Variants in IFI44 observed in about 807,000 individuals in gnomAD.
IFI44 encodes the protein interferon-induced protein 44.
A neutral mutation model predicts 45.0 loss-of-function variants in IFI44; 42 were observed. The observed-to-expected ratio is 0.93, with a 90% CI of 0.73 to 1.21. IFI44 has a LOEUF of 1.21. IFI44 is among the 50% of genes most tolerant of loss of function. The probability of loss-of-function intolerance (pLI) is 0.00; values close to 1 mark genes in which losing one functional copy is unlikely to be tolerated. For missense variants in IFI44, 623 were observed against 525.8 expected (o/e 1.18, Z -1.81); for synonymous variants, 221 against 188.6 (o/e 1.17, Z -1.41).
chr1:78,663,557 C>G, intron 8 of IFI44: 1 of 985,308 alleles, frequency 1.0e-6, no homozygotes. Context: ...CCAATTCTCT[C>G]TTACTCAAAT....
chr1:78,658,417 G>A (rs962714988), intron 5 of IFI44, among the ~76,000 whole-genome samples: 1 of 152,116 alleles, frequency 6.6e-6, no homozygotes, highest in Non-Finnish European at 1.5e-5. Context: ...GTTGTATCAT[G>A]TATCCTTGGA....
chr1:78,650,386 A>G lies in IFI44; in HGVS notation c.191A>G (p.Tyr64Cys), dbSNP rs756686793. The change falls in exon 2 of 9, where the codon TAT (tyrosine) becomes TGT (cysteine). Residue 64 changes from tyrosine to cysteine, a missense_variant. Transcript: ENST00000370747. ...IYSEDHIIGA[Y>C]AEESYQEGKY... ...AGTGAAGATCATATTATTGGAGCAT[A>G]TGCAGAAGAGAGTTACCAGGAAGGA... 1.4e-5 allele frequency: 23 copies of G among 1,614,006 alleles called. No homozygotes were observed. Among genetic ancestry groups the G allele is most frequent in the Non-Finnish European group, 3.4e-6 (4 of 1,179,976 alleles).
rs1647167827 is a variant in IFI44 at position 78,654,159 on chromosome 1, A to G, written c.458-84A>G. ...AAAGGCTATTTTTGTATTTGTCCCT[A>G]GTGAATTCACTGATATTCATTCATT... On this transcript the variant is annotated intron_variant, in intron 2 of 8. Transcript: ENST00000370747. 20 of 800,302 alleles carry G rather than the reference A, an allele frequency of 2.5e-5. No individual in the cohort carries two copies. In the East Asian group the frequency reaches 4.2e-4, roughly 17 times the overall value. The allele number at this position is 800,302 out of a possible 1,614,324, so 49.6% of individuals were successfully genotyped here.
At chr1:78,662,568 GA>G (rs2100479856) in intron 7 of IFI44, 135 bp from the exon 8 acceptor site, 1 of 655,838 alleles carries the variant, frequency 1.5e-6, no homozygotes, top group Non-Finnish European at 2.6e-6. Context: ...AGTACTTTGT[GA>G]GACCAGATCT....
At position 78,655,518 on chromosome 1, in the gene IFI44, T is replaced by C. The variant is rs761339498; in HGVS notation, c.840+7T>C. ...CATTCGTGATAGATACCAGGTAATA[T>C]TTGACTAATGAGAAATTATAACTGA... is the stretch of plus-strand genomic sequence containing the variant. On this transcript the variant is annotated splice_region_variant and intron_variant, in intron 5 of 8. Transcript: ENST00000370747. 10 of 1,595,552 alleles carry C rather than the reference T, an allele frequency of 6.3e-6. No homozygotes were observed. The East Asian group carries it at 2.0e-4, about 32-fold the overall frequency.
intron 3 of IFI44, 62 bp from the exon 4 acceptor site, chr1:78,654,952 T>C: frequency 8.1e-7 from 1 of 1,231,976 alleles, no homozygotes; most frequent in Non-Finnish European, 1.1e-6. Context: ...TCTCAGAAAA[T>C]TTATAATAAG....
At chr1:78,654,463 TAGAGG>T (rs1218870125) in intron 3 of IFI44, among the ~76,000 whole-genome samples, 184 bp downstream of exon 3, 2 of 151,948 alleles carry the variant, frequency 1.3e-5, no homozygotes, top group Non-Finnish European at 2.9e-5. Context: ...GGACACTGAG[TAGAGG>T]AAAGGAATTT....
chr1:78,652,056 G>T (rs1214741001), intron 2 of IFI44, among the ~76,000 whole-genome samples: 1 of 151,984 alleles, frequency 6.6e-6, no homozygotes, highest in African/African-American at 2.4e-5. Context: ...CATTTTCAAG[G>T]CAGGCAAGCA....
At chr1:78,657,391 C>A (rs1647240020) in intron 5 of IFI44, among the ~76,000 whole-genome samples, 2 of 152,016 alleles carry the variant, frequency 1.3e-5, no homozygotes, top group African/African-American at 4.8e-5. Context: ...GGTAGTTTTA[C>A]ATGGTCCTCT....
intron 7 of IFI44, among the ~76,000 whole-genome samples, chr1:78,662,257 C>T (rs1647503225): frequency 6.6e-6 from 1 of 152,088 alleles, no homozygotes; most frequent in South Asian, 2.1e-4. Context: ...AGTGAGGAAA[C>T]AAAGAAAACA....
At position 78,662,825 on chromosome 1, in the gene IFI44, G is replaced by C. The variant is rs534850430; in HGVS notation, c.1235G>C (p.Arg412Pro). 7.4e-6 allele frequency: 12 copies of C among 1,613,746 alleles called. No individual in the cohort carries two copies. The highest frequency in any genetic ancestry group is 4.0e-5 in the African/African-American group (3 of 74,924). Residue 412 changes from arginine (R) to proline (P), a missense_variant, in exon 8 of 9, where the codon CGA (arginine) becomes CCA (proline). Arg to Pro is a moderately radical substitution (Grantham distance 103, BLOSUM62 -2). Coordinates refer to ENST00000370747, the MANE Select transcript of IFI44 (RefSeq NM_006417.5). ...GTTCTAATTCTTTCTGCTCTGAGAC[G>C]AATGCTATGGGCTGCAGATGACTTC... ...KDVLILSALRRMLWAADDFLE... is the reference protein window; with the variant it reads ...KDVLILSALRPMLWAADDFLE...
In IFI44 at chr1:78,655,466, T is replaced by A; in HGVS notation, c.795T>A (p.Asp265Glu). Reference protein sequence around the residue: ...LSEKEGGLCRDDIFYILNGNI... With the variant: ...LSEKEGGLCREDIFYILNGNI... ...AGAAAGAAGGCGGCCTGTGCAGGGA[T>A]GACATATTCTATATCTTGAACGGTA... is the stretch of plus-strand genomic sequence containing the variant. Residue 265 changes from aspartate (D) to glutamate (E), a missense_variant, in exon 5 of 9, where the codon GAT (aspartate) becomes GAA (glutamate). Asp to Glu is a conservative substitution (Grantham distance 45). Coordinates refer to ENST00000370747, the MANE Select transcript of IFI44 (RefSeq NM_006417.5). 6.2e-7 allele frequency: 1 copy of A among 1,613,800 alleles called. No homozygotes were observed. The highest frequency in any genetic ancestry group is 8.5e-7 in the Non-Finnish European group (1 of 1,179,782).
chr1:78,661,049 G>A (rs1037214838), intron 7 of IFI44, among the ~76,000 whole-genome samples: 1 of 152,064 alleles, frequency 6.6e-6, no homozygotes, highest in South Asian at 2.1e-4. Flanking sequence ...TACATGTTCA[G>A]TACAGATGAA....
At position 78,662,737 on chromosome 1, in the gene IFI44, C is replaced by T. The variant is rs1388462951; in HGVS notation, c.1147C>T (p.Leu383Phe). ...AGTCCAAAGAAAACTTGGATTTGCT[C>T]TTTCTGACATCTCGGTGGTTAGCAA... is the stretch of plus-strand genomic sequence containing the variant. ...EEVQRKLGFA[L>F]SDISVVSNYS... is the part of the protein sequence containing the mutation. Residue 383 changes from leucine to phenylalanine, a missense_variant, in exon 8 of 9, where the codon CTT becomes TTT. By Grantham distance (22) the Leu-to-Phe change is conservative. Coordinates refer to ENST00000370747, the MANE Select transcript of IFI44 (RefSeq NM_006417.5). 1 of 1,613,600 alleles carries T rather than the reference C, an allele frequency of 6.2e-7. No homozygotes were observed. The highest frequency in any genetic ancestry group is 8.5e-7 in the Non-Finnish European group (1 of 1,179,826).
rs1229209189 is a variant in IFI44 at position 78,655,329 on chromosome 1, G to T, written c.691-33G>T. ...TTCATCTCAATTTATAATAAAAAAT[G>T]AATCTTTAAAATTGCTTTTCTCCCC... On this transcript the variant is annotated intron_variant, in intron 4 of 8. Coordinates refer to ENST00000370747, the MANE Select transcript of IFI44 (RefSeq NM_006417.5). 3 of 1,568,594 alleles carry T rather than the reference G, an allele frequency of 1.9e-6. No individual in the cohort carries two copies. The African/African-American group carries it at 4.1e-5, about 22-fold the overall frequency.
intron 2 of IFI44, among the ~76,000 whole-genome samples, chr1:78,653,168 G>A (rs1398915754): frequency 6.6e-6 from 1 of 151,700 alleles, no homozygotes; most frequent in Non-Finnish European, 1.5e-5. Context: ...TTATATTTGT[G>A]TGGTTTGTTT....
rs771642089 is a variant in IFI44 at position 78,655,519 on chromosome 1, T to C, written c.840+8T>C. 6 of 1,594,454 alleles carry C rather than the reference T, an allele frequency of 3.8e-6. No homozygotes were observed. In the African/African-American group the frequency reaches 4.0e-5, roughly 11 times the overall value. On this transcript the variant is annotated splice_region_variant and intron_variant, in intron 5 of 8. Transcript: ENST00000370747. Reference sequence around the variant, plus strand: ...ATTCGTGATAGATACCAGGTAATATTTGACTAATGAGAAATTATAACTGAT... The same window carrying C: ...ATTCGTGATAGATACCAGGTAATATCTGACTAATGAGAAATTATAACTGAT...
intron 2 of IFI44, among the ~76,000 whole-genome samples, chr1:78,652,554 T>C (rs1282417880): frequency 6.6e-6 from 1 of 152,206 alleles, no homozygotes. Flanking sequence ...CTTTTTTCCC[T>C]GAGAGTGTTC....
rs1330549172 is a variant in IFI44 at position 78,655,158 on chromosome 1, T to G, written c.639T>G (p.His213Gln). ...FNSVRSVFQG[H>Q]VTHQALVGTN... The stretch of plus-strand genomic sequence containing the variant: ...CAGTGAGGTCTGTTTTCCAAGGGCA[T>G]GTAACGCATCAGGCTTTGGTGGGCA... The change falls in exon 4 of 9, where the codon CAT (histidine) becomes CAG (glutamine). Residue 213 changes from histidine to glutamine, a missense_variant. Transcript: ENST00000370747. 1 of 1,613,972 alleles carries G rather than the reference T, an allele frequency of 6.2e-7. No individual in the cohort carries two copies. The highest frequency in any genetic ancestry group is 1.7e-5 in the Admixed American group (1 of 60,014).
Sources: gnomAD v4.1 joint callset for allele counts (sites outside exome capture counted in the v4.1 genomes callset) on GRCh38, gnomAD v4.1.1 for gene constraint, MANE v1.5 for transcripts, NCBI Gene and HGNC (gene_info 2026-07-23, HGNC 2026-07-21) for gene names.